The following KIF18A variants were observed in gnomAD, a reference collection of about 807,000 sequenced individuals.
KIF18A encodes kinesin family member 18A.
KIF18A carries 67 observed loss-of-function variants against 103.3 expected under a neutral mutation model. The observed-to-expected ratio is 0.65, with a 90% CI of 0.53 to 0.79. KIF18A has a LOEUF of 0.79. Among genes scored for constraint, KIF18A ranks in the 30% least tolerant of loss-of-function variants. The pLI, the probability that KIF18A is intolerant of heterozygous loss-of-function variation, is 0.00. For missense variants in KIF18A, 1,032 were observed against 1,062.5 expected (o/e 0.97, Z 0.40); for synonymous variants, 367 against 355.5 (o/e 1.03, Z -0.36).
At chr11:28,027,275 C>T (rs1171939261) in intron 15 of KIF18A, among the ~76,000 whole-genome samples, 1 of 151,732 alleles carries the variant, frequency 6.6e-6, no homozygotes, top group African/African-American at 2.4e-5. Context: ...TCATTGCATT[C>T]AATTTATAGG....
intron 1 of KIF18A, among the ~76,000 whole-genome samples, chr11:28,107,852 G>C (rs1360461864): frequency 6.6e-6 from 1 of 152,156 alleles, no homozygotes; most frequent in African/African-American, 2.4e-5. Flanking sequence ...CAGCTGAGCA[G>C]TCGAGGATTA....
chr11:28,088,388 C>A (rs1237956338), intron 6 of KIF18A, 136 bp downstream of exon 6: 13 of 657,108 alleles, frequency 2.0e-5, no homozygotes, highest in Non-Finnish European at 2.8e-5. Context: ...GGTCTTTGAT[C>A]TATATATTAA....
At chr11:28,032,391 A>G (rs562431078) in intron 15 of KIF18A, among the ~76,000 whole-genome samples, 1 of 152,046 alleles carries the variant, frequency 6.6e-6, no homozygotes, top group South Asian at 2.1e-4. Flanking sequence ...TGGAATCACA[A>G]AAGACCCAGA....
intron 11 of KIF18A, among the ~76,000 whole-genome samples, chr11:28,063,636 T>C (rs1850882565): frequency 6.6e-6 from 1 of 151,990 alleles, no homozygotes. Flanking sequence ...GTATAAATGG[T>C]GATAATCTAG....
intron 13 of KIF18A, among the ~76,000 whole-genome samples, chr11:28,055,817 T>A (rs1850773418): frequency 6.6e-6 from 1 of 152,170 alleles, no homozygotes; most frequent in South Asian, 2.1e-4. Context: ...TGCATGCATA[T>A]GAGGAATTAA....
At chr11:28,075,448 A>G (rs1287840523) in intron 10 of KIF18A, among the ~76,000 whole-genome samples, 2 of 152,154 alleles carry the variant, frequency 1.3e-5, no homozygotes, top group Non-Finnish European at 2.9e-5. Flanking sequence ...ATATATGTAA[A>G]GTGCTTTAAC....
At chr11:28,090,089 T>C (rs1450342113) in intron 5 of KIF18A, among the ~76,000 whole-genome samples, 3 of 152,166 alleles carry the variant, frequency 2.0e-5, no homozygotes, top group Non-Finnish European at 2.9e-5. Context: ...AAGCTTTATA[T>C]TATCATTTGG....
intron 15 of KIF18A, among the ~76,000 whole-genome samples, chr11:28,031,360 G>T (rs181595538): frequency 3.9e-5 from 6 of 152,132 alleles, no homozygotes; most frequent in Middle Eastern, 3.4e-3. Flanking sequence ...CCATAAAAAA[G>T]GATGAGTTCA....
rs767303403 is a variant in KIF18A, at chr11:28,091,408, C to T, written c.588+1G>A. On this transcript the variant is annotated splice_donor_variant, in intron 4 of 16. Transcript: ENST00000263181. LOFTEE classifies it high-confidence loss of function. The stretch of plus-strand genomic sequence containing the variant: ...AGGGAAAAAGATGTTTATATACATA[C>T]CTGGTGTAAAGTAAGTCCATGAACG... 1 of 1,525,624 alleles carries T rather than the reference C, an allele frequency of 6.6e-7. No individual in the cohort carries two copies. The highest frequency in any genetic ancestry group is 1.1e-5 in the South Asian group (1 of 88,210). 94.5% of individuals were successfully genotyped at this position (1,525,624 alleles called of 1,614,324 possible).
chr11:28,098,262 G>A (rs956369891), intron 1 of KIF18A, among the ~76,000 whole-genome samples: 3 of 152,116 alleles, frequency 2.0e-5, no homozygotes, highest in African/African-American at 7.2e-5. Context: ...CTCTTTACCT[G>A]AAATATTAGT....
intron 13 of KIF18A, among the ~76,000 whole-genome samples, chr11:28,041,330 A>G (rs1412439329): frequency 1.3e-5 from 2 of 151,774 alleles, no homozygotes; most frequent in Non-Finnish European, 2.9e-5. Context: ...TAAGGATGGA[A>G]TATGTGATCT....
chr11:28,069,176 G>C, intron 11 of KIF18A, 83 bp downstream of exon 11: 1 of 1,037,124 alleles, frequency 9.6e-7, no homozygotes, highest in Non-Finnish European at 1.5e-6. Context: ...TCTTATGAAA[G>C]ACATTTACTC....
At position 28,072,605 on chromosome 11, in the gene KIF18A, A is replaced by G. The variant is rs369758117; in HGVS notation, c.1426-3182T>C. 6.1e-4 allele frequency among the ~76,000 whole-genome samples: 93 copies of G among 152,278 alleles called. 4 individuals are homozygous for G. The South Asian group carries it at 0.018, about 30-fold the overall frequency. ...TTTTTCAGTGGGTTAACTACACCCA[A>G]TAACTCAAGAGTTTTTATCTCCACT... On this transcript the variant is annotated intron_variant, in intron 10 of 16. Transcript: ENST00000263181.
intron 13 of KIF18A, among the ~76,000 whole-genome samples, chr11:28,038,817 C>T (rs1850525051): frequency 6.6e-6 from 1 of 151,666 alleles, no homozygotes; most frequent in Admixed American, 6.6e-5. Context: ...AAATAATTTT[C>T]CACTCCCTTT....
At chr11:28,064,155 A>C (rs1850888581) in intron 11 of KIF18A, among the ~76,000 whole-genome samples, 1 of 151,474 alleles carries the variant, frequency 6.6e-6, no homozygotes, top group Non-Finnish European at 1.5e-5. Flanking sequence ...TTTATATATT[A>C]AAGTTAGGAG....
rs371172243 is a variant in KIF18A, at chr11:28,069,613, CTG to C, written c.1426-192_1426-191del. On this transcript the variant is annotated intron_variant, in intron 10 of 16. Transcript: ENST00000263181. ...GCTTGCAAGAAAATAGGAAATTGAG[CTG>C]TGAGTCATTTTTATAAAATTACAGG... Among the ~76,000 whole-genome samples the C allele has an allele frequency of 2.0e-3, 299 of 152,098 alleles. 1 individual carries two copies. Among genetic ancestry groups the C allele is most frequent in the African/African-American group, 7.0e-3 (291 of 41,498 alleles).
At chr11:28,048,080 G>T (rs891743195) in intron 13 of KIF18A, among the ~76,000 whole-genome samples, 2 of 152,044 alleles carry the variant, frequency 1.3e-5, no homozygotes, top group South Asian at 2.1e-4. Context: ...AAAGGAAGAG[G>T]CAGTTAATTC....
chr11:28,103,056 A>C (rs1204649650), intron 1 of KIF18A, among the ~76,000 whole-genome samples: 1 of 152,160 alleles, frequency 6.6e-6, no homozygotes, highest in East Asian at 1.9e-4. Context: ...CCTCTGATCA[A>C]TTTTGTCCTA....
chr11:28,042,355 G>T (rs1384638557), intron 13 of KIF18A, among the ~76,000 whole-genome samples: 1 of 151,810 alleles, frequency 6.6e-6, no homozygotes, highest in African/African-American at 2.4e-5. Context: ...TACTGTCTCT[G>T]CATATTCATC....
Sources: allele counts gnomAD v4.1 joint callset (sites outside exome capture counted in the v4.1 genomes callset), GRCh38; gene constraint gnomAD v4.1.1; transcripts MANE v1.5; gene names NCBI Gene and HGNC (gene_info 2026-07-23, HGNC 2026-07-21).